Variants in MTMR2 observed in about 807,000 individuals in gnomAD.
MTMR2 encodes myotubularin related protein 2, also known as phosphatidylinositol-3,5-bisphosphate 3-phosphatase MTMR2.
A neutral mutation model predicts 86.9 loss-of-function variants in MTMR2; 55 were observed. That is an observed-to-expected ratio of 0.63 (90% CI 0.51 to 0.79). The LOEUF (loss-of-function observed/expected upper bound fraction) is 0.79. Ranked by LOEUF, MTMR2 falls within the 30% of genes least tolerant of loss-of-function variation. MTMR2 has a pLI of 0.00. For missense variants in MTMR2, 659 were observed against 772.3 expected, an observed-to-expected ratio of 0.85 and a Z score of 1.74; for synonymous variants, 241 against 266.8, an observed-to-expected ratio of 0.90 and a Z score of 0.94.
chr11:95,900,921 C>CT (rs1333039099), intron 1 of MTMR2, among the ~76,000 whole-genome samples: 1 of 152,184 alleles, frequency 6.6e-6, no homozygotes, highest in African/African-American at 2.4e-5. Context: ...CCTTGTTTCT[C>CT]TGAGTTCTCA....
intron 1 of MTMR2, among the ~76,000 whole-genome samples, chr11:95,923,278 TACTG>T (rs1315312399): frequency 4.7e-4 from 71 of 152,334 alleles, no homozygotes; most frequent in Non-Finnish European, 1.0e-4. Flanking sequence ...GATTCCTTGA[TACTG>T]ACTTTCAGCT....
chr11:95,836,097 A>G (rs1863263116), intron 14 of MTMR2, 51 bp downstream of exon 14: 2 of 1,536,348 alleles, frequency 1.3e-6, no homozygotes, highest in African/African-American at 1.4e-5. Flanking sequence ...TAAGGAGACA[A>G]AGTTGCACTG....
At chr11:95,844,309 T>A (rs1305809486) in intron 11 of MTMR2, among the ~76,000 whole-genome samples, 2 of 152,170 alleles carry the variant, frequency 1.3e-5, no homozygotes, top group African/African-American at 4.8e-5. Context: ...CAGTTCAAGT[T>A]CAAAAGAGCA....
chr11:95,910,118 C>A (rs968037818), intron 1 of MTMR2, among the ~76,000 whole-genome samples: 5 of 138,206 alleles, frequency 3.6e-5, no homozygotes, highest in African/African-American at 1.0e-4. Flanking sequence ...CACACACGCA[C>A]GCATGCACGC....
chr11:95,859,370 G>A (rs954283484), intron 5 of MTMR2, among the ~76,000 whole-genome samples: 5 of 152,246 alleles, frequency 3.3e-5, no homozygotes, highest in Admixed American at 6.5e-5. Flanking sequence ...TTCATGTTCC[G>A]GTTTACTGGT....
intron 10 of MTMR2, among the ~76,000 whole-genome samples, chr11:95,845,752 C>G (rs1032271060): frequency 2.6e-5 from 4 of 151,844 alleles, no homozygotes; most frequent in African/African-American, 9.7e-5. Context: ...CTTAAAATAA[C>G]TTCAGCTCTT....
chr11:95,893,535 T>C (rs180875399), intron 1 of MTMR2, among the ~76,000 whole-genome samples: 1 of 152,254 alleles, frequency 6.6e-6, no homozygotes, highest in East Asian at 1.9e-4. Flanking sequence ...CCGTATCCAT[T>C]AGCCACGACT....
At chr11:95,865,447 G>C (rs957445629) in intron 3 of MTMR2, 154 bp downstream of exon 3, 4 of 763,978 alleles carry the variant, frequency 5.2e-6, no homozygotes, top group Admixed American at 3.9e-5. Context: ...TACGTTTGTA[G>C]AACACACTAA....
chr11:95,881,179 T>C (rs2135530610), intron 2 of MTMR2, among the ~76,000 whole-genome samples: 1 of 152,172 alleles, frequency 6.6e-6, no homozygotes, highest in East Asian at 1.9e-4. Context: ...AATAGTTCAT[T>C]CTTTCTCCCA....
rs578159 is a variant in MTMR2, at chr11:95,835,205, T to G, written c.*85A>C. ...GACTGAACTTTCTCTCATAGATGGG[T>G]TCTAAATTCCGAAGACTTTCTACTC... On this transcript the variant is annotated 3_prime_UTR_variant, in exon 15 of 15. Transcript: ENST00000346299. 1.9e-3 allele frequency: 2,617 copies of G among 1,384,422 alleles called. 48 individuals carry two copies. The African/African-American group carries it at 0.034, about 18-fold the overall frequency. 85.8% of individuals were successfully genotyped at this position (1,384,422 alleles called of 1,614,324 possible).
At chr11:95,865,909 A>G (rs1864598574) in intron 2 of MTMR2, among the ~76,000 whole-genome samples, 1 of 145,102 alleles carries the variant, frequency 6.9e-6, no homozygotes, top group African/African-American at 2.9e-5. Context: ...CATTTGTTAC[A>G]CAAAAAATTG....
rs1032962164 is a variant in MTMR2 at position 95,834,038 on chromosome 11, T to A, written c.*1252A>T. 2.0e-5 allele frequency: 3 copies of A among 149,350 alleles called. No homozygotes were observed. Among genetic ancestry groups the A allele is most frequent in the African/African-American group, 7.8e-5 (3 of 38,690 alleles). The allele number at this position is 149,350 out of a possible 1,614,324, so 9.3% of individuals were successfully genotyped here. ...CTGGGGTGCATATTCCTCCAATAATTTCCAAATATTTCTGGGGAAAAAAAA... is the reference window on the plus strand; with the variant it reads ...CTGGGGTGCATATTCCTCCAATAATATCCAAATATTTCTGGGGAAAAAAAA... On this transcript the variant is annotated 3_prime_UTR_variant, in exon 15 of 15. Coordinates refer to ENST00000346299, the MANE Select transcript of MTMR2 (RefSeq NM_016156.6).
In MTMR2 at chr11:95,834,758, T is replaced by A. The variant is rs1265215551; in HGVS notation, c.*532A>T. 3.1e-5 allele frequency: 5 copies of A among 162,934 alleles called. No individual in the cohort carries two copies. Among genetic ancestry groups the A allele is most frequent in the African/African-American group, 1.2e-4 (5 of 41,506 alleles). 10.1% of individuals were successfully genotyped at this position (162,934 alleles called of 1,614,324 possible). Reference sequence around the variant, plus strand: ...ATCTTCAACACTTTGCCTTTTACTATATGAAGAATATGGAAGTTGAAAAGT... The same window carrying A: ...ATCTTCAACACTTTGCCTTTTACTAAATGAAGAATATGGAAGTTGAAAAGT... On this transcript the variant is annotated 3_prime_UTR_variant, in exon 15 of 15. Transcript: ENST00000346299.
At chr11:95,843,183 AT>A (rs1292040888) in intron 11 of MTMR2, among the ~76,000 whole-genome samples, 1 of 152,228 alleles carries the variant, frequency 6.6e-6, no homozygotes, top group African/African-American at 2.4e-5. Flanking sequence ...TGAAAACTCA[AT>A]TTTTGGTGAA....
rs374025895 is a variant in MTMR2, at chr11:95,835,475, T to C, written c.1771-24A>G. The stretch of plus-strand genomic sequence containing the variant: ...TCCTGCAAGAGCAAAACATAAAATA[T>C]TCAACTAGGCAATCCTGACCAAAGC... On this transcript the variant is annotated intron_variant, in intron 14 of 14. Transcript: ENST00000346299. 381 of 1,588,606 alleles carry C rather than the reference T, an allele frequency of 2.4e-4. 2 individuals carry two copies. In the African/African-American group the frequency reaches 4.9e-3, roughly 20 times the overall value.
intron 7 of MTMR2, 35 bp from the exon 8 acceptor site, chr11:95,850,784 T>C: frequency 6.2e-7 from 1 of 1,600,688 alleles, no homozygotes; most frequent in Non-Finnish European, 8.6e-7. Flanking sequence ...CAAATTACTA[T>C]ATAACTAAAA....
intron 1 of MTMR2, chr11:95,914,391 C>T: frequency 3.1e-6 from 3 of 983,272 alleles, no homozygotes; most frequent in Non-Finnish European, 3.6e-6. Flanking sequence ...TTGTGCAAAG[C>T]CTGCAGGGCA....
intron 1 of MTMR2, among the ~76,000 whole-genome samples, chr11:95,900,753 A>T (rs912643687): frequency 6.6e-6 from 1 of 152,210 alleles, no homozygotes; most frequent in East Asian, 1.9e-4. Flanking sequence ...TCACATGCAT[A>T]AACTTACACA....
chr11:95,848,472 C>T (rs955284385), intron 9 of MTMR2, among the ~76,000 whole-genome samples: 1 of 152,138 alleles, frequency 6.6e-6, no homozygotes, highest in Non-Finnish European at 1.5e-5. Flanking sequence ...CATCAATGTT[C>T]TCAAAGACTT....
Sources: gnomAD v4.1 joint callset for allele counts (sites outside exome capture counted in the v4.1 genomes callset) on GRCh38, gnomAD v4.1.1 for gene constraint, MANE v1.5 for transcripts, NCBI Gene and HGNC (gene_info 2026-07-23, HGNC 2026-07-21) for gene names.